The following ADAM12 variants were observed in gnomAD, a reference collection of about 807,000 sequenced individuals.
ADAM12 encodes the protein disintegrin and metalloproteinase domain-containing protein 12.
A neutral mutation model predicts 106.4 loss-of-function variants in ADAM12; 70 were observed. That is an observed-to-expected ratio of 0.66 (90% confidence interval 0.54 to 0.80). The LOEUF (loss-of-function observed/expected upper bound fraction) is 0.80. ADAM12 is among the 30% of genes least tolerant of loss of function. The pLI is 0.00. For synonymous variants in ADAM12, 420 were observed against 433.5 expected, an observed-to-expected ratio of 0.97 and a Z score of 0.39; for missense variants, 1,010 against 1,171.9, an observed-to-expected ratio of 0.86 and a Z score of 2.02.
At chr10:126,164,219 G>A (rs1346509209) in intron 3 of ADAM12, among the ~76,000 whole-genome samples, 2 of 152,176 alleles carry the variant, frequency 1.3e-5, no homozygotes, top group African/African-American at 4.8e-5. Flanking sequence ...CGTATTGTTG[G>A]AGGGTTTAAT....
chr10:126,051,395 A>C lies in ADAM12; in HGVS notation c.1610-1726T>G, dbSNP rs533328062. On this transcript the variant is annotated intron_variant, in intron 14 of 22. Transcript: ENST00000448723. ...CCCTTCCTACTTCCTTCCATCATCC[A>C]TTTATATACCCATCTATCCATTCAT... 2.6e-5 allele frequency among the ~76,000 whole-genome samples: 4 copies of C among 151,490 alleles called. No individual in the cohort carries two copies. In the East Asian group the frequency reaches 7.8e-4, roughly 29 times the overall value.
At chr10:126,196,688 G>A (rs777889143) in intron 3 of ADAM12, among the ~76,000 whole-genome samples, 3 of 152,122 alleles carry the variant, frequency 2.0e-5, no homozygotes, top group East Asian at 1.9e-4. Context: ...CATAATACAC[G>A]TGCTCAGAAA....
chr10:126,160,133 G>A (rs1443289586), intron 3 of ADAM12, among the ~76,000 whole-genome samples: 1 of 152,192 alleles, frequency 6.6e-6, no homozygotes, highest in African/African-American at 2.4e-5. Context: ...AGGGGAAGGG[G>A]AAGGGGAAGA....
At chr10:126,181,492 T>C (rs773996839) in intron 3 of ADAM12, among the ~76,000 whole-genome samples, 142 of 152,360 alleles carry the variant, frequency 9.3e-4, no homozygotes, top group Admixed American at 3.5e-3. Context: ...CAATTTGTGA[T>C]TATTACTATT....
chr10:126,038,499 T>C (rs1352520347), intron 19 of ADAM12, 150 bp from the exon 20 acceptor site: 3 of 556,144 alleles, frequency 5.4e-6, no homozygotes, highest in Admixed American at 3.7e-5. Context: ...AATAACACTC[T>C]TAGGAGATTA....
In ADAM12 at chr10:126,153,113, T is replaced by C. The variant is rs527392948; in HGVS notation, c.339+2114A>G. ...AGTTACCCTTTGGTAGATACCTTCG[T>C]TGGAATCTGAGGGTAGTAATTTCTC... is the stretch of plus-strand genomic sequence containing the variant. On this transcript the variant is annotated intron_variant, in intron 4 of 22. Coordinates refer to ENST00000448723, the MANE Select transcript of ADAM12 (RefSeq NM_001288973.2). Among the ~76,000 whole-genome samples the C allele has an allele frequency of 1.2e-4, 19 of 152,342 alleles. No individual in the cohort carries two copies. In the South Asian group the frequency reaches 3.7e-3, roughly 30 times the overall value.
chr10:126,262,353 C>T (rs1229767933), intron 3 of ADAM12, among the ~76,000 whole-genome samples: 1 of 152,110 alleles, frequency 6.6e-6, no homozygotes, highest in South Asian at 2.1e-4. Context: ...GCCGATTCAT[C>T]AAAATATTTA....
At chr10:126,353,510 A>C (rs1855432082) in intron 1 of ADAM12, among the ~76,000 whole-genome samples, 2 of 152,228 alleles carry the variant, frequency 1.3e-5, no homozygotes, top group South Asian at 4.1e-4. Flanking sequence ...TCAGAAAGCA[A>C]CAAGCACAGA....
intron 18 of ADAM12, chr10:126,042,209 T>C: frequency 6.2e-7 from 1 of 1,613,812 alleles, no homozygotes; most frequent in East Asian, 2.2e-5. Flanking sequence ...CGCTCCCTGT[T>C]GGACTCTGCA....
intron 2 of ADAM12, among the ~76,000 whole-genome samples, chr10:126,285,386 A>AC (rs1458891278): frequency 6.6e-6 from 1 of 152,272 alleles, no homozygotes; most frequent in Non-Finnish European, 1.5e-5. Context: ...CTCTTAGGCC[A>AC]TAAGGCACTG....
Position 126,388,241 on chromosome 10 carries a change from A to C in ADAM12, c.-96T>G. The stretch of plus-strand genomic sequence containing the variant: ...AGCCGGGGCCGGGCGTCGCGACCGG[A>C]GGGATTTCCTGCCTCGGCGAGTCAG... On this transcript the variant is annotated 5_prime_UTR_variant, in exon 1 of 23. Transcript: ENST00000448723. The surrounding 1 kb of genome is among the most constrained non-coding windows in gnomAD (Gnocchi z 4.4). 1 of 1,184,732 alleles carries C rather than the reference A, an allele frequency of 8.4e-7. No individual in the cohort carries two copies. Among genetic ancestry groups the C allele is most frequent in the Non-Finnish European group, 1.0e-6 (1 of 957,502 alleles). The allele number at this position is 1,184,732 out of a possible 1,614,324, so 73.4% of individuals were successfully genotyped here. A position where few individuals can be genotyped will look rare whatever the true frequency, so the allele number is the denominator to read the frequency against.
chr10:126,254,014 C>T (rs1235339441), intron 3 of ADAM12, among the ~76,000 whole-genome samples: 4 of 152,234 alleles, frequency 2.6e-5, no homozygotes, highest in Non-Finnish European at 5.9e-5. Flanking sequence ...TATCTTCAGT[C>T]AGAGCCATTC....
intron 3 of ADAM12, among the ~76,000 whole-genome samples, chr10:126,162,592 C>T (rs1313651013): frequency 6.6e-6 from 1 of 152,096 alleles, no homozygotes; most frequent in Non-Finnish European, 1.5e-5. Context: ...ACAGGTGGTT[C>T]TGACAGCCAC....
At chr10:126,135,059 G>C (rs1956379684) in intron 5 of ADAM12, among the ~76,000 whole-genome samples, 1 of 152,196 alleles carries the variant, frequency 6.6e-6, no homozygotes, top group Admixed American at 6.5e-5. Flanking sequence ...GTCTAGCATG[G>C]GAAGGTAATT....
At chr10:126,375,828 C>T (rs377491296) in intron 1 of ADAM12, among the ~76,000 whole-genome samples, 1 of 151,544 alleles carries the variant, frequency 6.6e-6, no homozygotes, top group African/African-American at 2.4e-5. Context: ...TCACAGCAGC[C>T]TCGACCTCCT....
chr10:126,347,546 T>G (rs562624516), intron 1 of ADAM12, among the ~76,000 whole-genome samples: 1 of 152,330 alleles, frequency 6.6e-6, no homozygotes, highest in Admixed American at 6.5e-5. Context: ...TTCTCTGTAT[T>G]TCCTGAATTT....
At chr10:126,363,935 T>C (rs977349258) in intron 1 of ADAM12, among the ~76,000 whole-genome samples, 2 of 152,160 alleles carry the variant, frequency 1.3e-5, no homozygotes, top group African/African-American at 4.8e-5. Flanking sequence ...TTCAGCAGCA[T>C]ATTAAAAATA....
intron 2 of ADAM12, among the ~76,000 whole-genome samples, chr10:126,290,222 C>G (rs1235260284): frequency 6.6e-6 from 1 of 152,176 alleles, no homozygotes; most frequent in African/African-American, 2.4e-5. Flanking sequence ...CCTACCACCA[C>G]ATAGAACTGA....
chr10:126,132,844 C>T lies in ADAM12; in HGVS notation c.416+2740G>A, dbSNP rs1956332830. On this transcript the variant is annotated intron_variant, in intron 5 of 22. Coordinates refer to ENST00000448723, the MANE Select transcript of ADAM12 (RefSeq NM_001288973.2). ...GAGTATCCATTTTGAATTGGTCACT[C>T]ACCTTCACCTCAGATGCCACCAGGT... Among the ~76,000 whole-genome samples, 3 of 152,056 alleles carry T rather than the reference C, an allele frequency of 2.0e-5. No homozygotes were observed. The South Asian group carries it at 6.2e-4, about 31-fold the overall frequency.
Sources: allele counts gnomAD v4.1 joint callset (sites outside exome capture counted in the v4.1 genomes callset), GRCh38; gene constraint gnomAD v4.1.1; non-coding constraint Gnocchi (gnomAD v3.1); transcripts MANE v1.5; gene names NCBI Gene and HGNC (gene_info 2026-07-23, HGNC 2026-07-21).